The following ADAMTS12 variants were observed in gnomAD, a reference collection of about 807,000 sequenced individuals.
The protein encoded by ADAMTS12 is ADAM metallopeptidase with thrombospondin type 1 motif 12.
In ADAMTS12, 118 loss-of-function variants were observed where a neutral mutation model predicts 167.8. That is an observed-to-expected ratio of 0.70 (90% CI 0.61 to 0.82). The LOEUF is 0.82. Among genes scored for constraint, ADAMTS12 ranks in the 40% least tolerant of loss-of-function variants. The pLI, the probability that ADAMTS12 is intolerant of heterozygous loss-of-function variation, is 0.00. For synonymous variants in ADAMTS12, 704 were observed against 716.9 expected (o/e 0.98, Z 0.29); for missense variants, 1,916 against 1,998.8 (o/e 0.96, Z 0.79).
At chr5:33,721,110 C>T (rs1462529333) in intron 3 of ADAMTS12, among the ~76,000 whole-genome samples, 1 of 152,082 alleles carries the variant, frequency 6.6e-6, no homozygotes, top group Non-Finnish European at 1.5e-5. Flanking sequence ...CAGAAAAAAG[C>T]CAGACACGAG....
intron 3 of ADAMTS12, among the ~76,000 whole-genome samples, chr5:33,743,837 T>G (rs1286964015): frequency 6.6e-6 from 1 of 152,150 alleles, no homozygotes; most frequent in Non-Finnish European, 1.5e-5. Flanking sequence ...AACTACACCC[T>G]CAGGCCACAA....
intron 3 of ADAMTS12, among the ~76,000 whole-genome samples, chr5:33,730,101 AC>A (rs1744131293): frequency 1.3e-5 from 2 of 152,134 alleles, no homozygotes; most frequent in African/African-American, 4.8e-5. Flanking sequence ...TTCACTACCC[AC>A]CCACGGGTAG....
chr5:33,807,888 A>G (rs973773015), intron 2 of ADAMTS12, among the ~76,000 whole-genome samples: 1 of 151,448 alleles, frequency 6.6e-6, no homozygotes, highest in Non-Finnish European at 1.5e-5. Flanking sequence ...TGGAGCTGGG[A>G]TGCAGCTAGT....
chr5:33,831,990 T>TG (rs1232475473), intron 2 of ADAMTS12, among the ~76,000 whole-genome samples: 1 of 152,210 alleles, frequency 6.6e-6, no homozygotes, highest in Non-Finnish European at 1.5e-5. Flanking sequence ...ACAGGGTCCC[T>TG]GCAAGGTAGC....
intron 1 of ADAMTS12, among the ~76,000 whole-genome samples, chr5:33,885,727 T>G (rs938057693): frequency 2.6e-5 from 4 of 152,190 alleles, no homozygotes; most frequent in African/African-American, 9.7e-5. Context: ...GAATTCACCT[T>G]GGAAGAGGCA....
At chr5:33,857,761 A>C (rs914625813) in intron 2 of ADAMTS12, among the ~76,000 whole-genome samples, 2 of 152,246 alleles carry the variant, frequency 1.3e-5, no homozygotes, top group Non-Finnish European at 2.9e-5. Flanking sequence ...GACAGAGATA[A>C]ACATTATACA....
intron 2 of ADAMTS12, among the ~76,000 whole-genome samples, chr5:33,797,636 C>A (rs28628874): frequency 0.031 from 4,663 of 152,074 alleles, 266 homozygotes; most frequent in African/African-American, 0.11. Context: ...AGACTATGTT[C>A]GCATTCCTTA....
Position 33,653,378 on chromosome 5 carries a change from G to C in ADAMTS12, c.1191-3681C>G, listed in dbSNP as rs146500273. 4.1e-3 allele frequency among the ~76,000 whole-genome samples: 625 copies of C among 152,132 alleles called. 1 individual carries two copies. Among genetic ancestry groups the C allele is most frequent in the Middle Eastern group, 6.8e-3 (2 of 294 alleles). ...GAAATAAATCCCACTTGGTCATTGT[G>C]TCTAATTCTTTTTTTCTTATATTGC... is the stretch of plus-strand genomic sequence containing the variant. On this transcript the variant is annotated intron_variant, in intron 7 of 23. Transcript: ENST00000504830.
chr5:33,665,067 C>T (rs1053010416), intron 5 of ADAMTS12, among the ~76,000 whole-genome samples: 3 of 152,042 alleles, frequency 2.0e-5, no homozygotes, highest in African/African-American at 7.2e-5. Context: ...TATAATGGAA[C>T]ATTCATTATT....
At chr5:33,603,958 G>C (rs1438265226) in intron 16 of ADAMTS12, among the ~76,000 whole-genome samples, 1 of 152,116 alleles carries the variant, frequency 6.6e-6, no homozygotes, top group South Asian at 2.1e-4. Context: ...GCTCTGTCAG[G>C]CTCCTGGCCT....
intron 16 of ADAMTS12, among the ~76,000 whole-genome samples, chr5:33,602,677 A>T (rs1478022884): frequency 6.6e-6 from 1 of 152,204 alleles, no homozygotes; most frequent in Non-Finnish European, 1.5e-5. Context: ...TTATAGCGGA[A>T]TAGGTGCTTC....
rs530107191 is a variant in ADAMTS12, at chr5:33,879,967, C to T, written c.489+1152G>A. Among the ~76,000 whole-genome samples, 4 of 152,256 alleles carry T rather than the reference C, an allele frequency of 2.6e-5. No individual in the cohort carries two copies. In the South Asian group the frequency reaches 8.3e-4, roughly 32 times the overall value. ...ACCAGCCCTGGCACAGGGACCAAGG[C>T]CAAAAACACGGACTCCTCCATAACC... On this transcript the variant is annotated intron_variant, in intron 2 of 23. Coordinates refer to ENST00000504830, the MANE Select transcript of ADAMTS12 (RefSeq NM_030955.4).
intron 1 of ADAMTS12, among the ~76,000 whole-genome samples, chr5:33,883,328 T>G (rs199648762): frequency 7.6e-4 from 39 of 51,042 alleles, no homozygotes; most frequent in African/African-American, 2.2e-3. Flanking sequence ...TTTTTTTTTG[T>G]TTTTTTTTTT....
At chr5:33,717,013 G>A (rs148067141) in intron 3 of ADAMTS12, among the ~76,000 whole-genome samples, 1 of 152,196 alleles carries the variant, frequency 6.6e-6, no homozygotes, top group East Asian at 1.9e-4. Flanking sequence ...GAAAAACTGG[G>A]AACATGCATA....
At chr5:33,536,375 T>C (rs1744406272) in intron 22 of ADAMTS12, among the ~76,000 whole-genome samples, 1 of 152,226 alleles carries the variant, frequency 6.6e-6, no homozygotes, top group African/African-American at 2.4e-5. Context: ...TTTTATTTTT[T>C]ATTTTTGGCA....
intron 5 of ADAMTS12, among the ~76,000 whole-genome samples, chr5:33,670,344 C>T (rs970643578): frequency 6.6e-6 from 1 of 152,126 alleles, no homozygotes; most frequent in Non-Finnish European, 1.5e-5. Context: ...CATGACAACA[C>T]CCAAATGCTG....
At chr5:33,621,509 A>G (rs1739331363) in intron 14 of ADAMTS12, among the ~76,000 whole-genome samples, 1 of 152,078 alleles carries the variant, frequency 6.6e-6, no homozygotes, top group African/African-American at 2.4e-5. Context: ...TGATGCTAAC[A>G]CACATCTTAT....
At position 33,642,331 on chromosome 5, in the gene ADAMTS12, T is replaced by G. The variant is rs549800430; in HGVS notation, c.1573-376A>C. On this transcript the variant is annotated intron_variant, in intron 10 of 23. Coordinates refer to ENST00000504830, the MANE Select transcript of ADAMTS12 (RefSeq NM_030955.4). ...GCTTAGTAACATAGTTGATTTGCTT[T>G]CTGGTGCATGATCCTTATCTTGTTG... 1.1e-4 allele frequency among the ~76,000 whole-genome samples: 17 copies of G among 152,328 alleles called. No homozygotes were observed. The South Asian group carries it at 3.1e-3, about 28-fold the overall frequency.
chr5:33,860,086 AAACCAG>A (rs750014797), intron 2 of ADAMTS12, among the ~76,000 whole-genome samples: 3 of 151,888 alleles, frequency 2.0e-5, no homozygotes, highest in Non-Finnish European at 4.4e-5. Context: ...AAAATTCCAA[AAACCAG>A]AATGCCTCTT....
Sources: gnomAD v4.1 joint callset for allele counts (sites outside exome capture counted in the v4.1 genomes callset) on GRCh38, gnomAD v4.1.1 for gene constraint, MANE v1.5 for transcripts, NCBI Gene and HGNC (gene_info 2026-07-23, HGNC 2026-07-21) for gene names.